Variants in NPAS3 observed in about 807,000 individuals in gnomAD.
NPAS3 encodes the protein neuronal PAS domain protein 3.
Under a neutral mutation model 73.1 loss-of-function variants are expected in NPAS3, and 14 were observed. The ratio of observed to expected loss-of-function variants is 0.19; its 90% CI spans 0.13 to 0.30. The LOEUF (loss-of-function observed/expected upper bound fraction) is 0.30. Ranked by LOEUF, NPAS3 falls within the 10% of genes least tolerant of loss-of-function variation. The probability of loss-of-function intolerance (pLI) is 1.00; values close to 1 mark genes in which losing one functional copy is unlikely to be tolerated. For missense variants in NPAS3, 1,096 were observed against 1,250.0 expected (o/e 0.88, Z 1.86); for synonymous variants, 620 against 541.5 (o/e 1.14, Z -2.01).
At chr14:33,379,632 A>G (rs1052875226) in intron 4 of NPAS3, among the ~76,000 whole-genome samples, 4 of 152,122 alleles carry the variant, frequency 2.6e-5, no homozygotes, top group Admixed American at 6.6e-5. Flanking sequence ...TTCCTCTCCC[A>G]TCTCAGTCTC....
At chr14:33,206,492 A>G (rs1165390212) in intron 2 of NPAS3, among the ~76,000 whole-genome samples, 1 of 152,112 alleles carries the variant, frequency 6.6e-6, no homozygotes, top group African/African-American at 2.4e-5. Flanking sequence ...AAAAACTCAT[A>G]CAGTGCTCCC....
At chr14:33,129,678 G>C (rs2043562564) in intron 2 of NPAS3, among the ~76,000 whole-genome samples, 1 of 152,236 alleles carries the variant, frequency 6.6e-6, no homozygotes, top group African/African-American at 2.4e-5. Flanking sequence ...TGAATAACTA[G>C]TACATTTTGG....
At chr14:33,298,890 G>A (rs1490482651) in intron 3 of NPAS3, among the ~76,000 whole-genome samples, 1 of 152,094 alleles carries the variant, frequency 6.6e-6, no homozygotes. Context: ...TTTCCTATTT[G>A]CCAACCCCAA....
chr14:33,105,240 C>T (rs1219390609), intron 2 of NPAS3, among the ~76,000 whole-genome samples: 1 of 152,120 alleles, frequency 6.6e-6, no homozygotes, highest in Admixed American at 6.6e-5. Flanking sequence ...CCAAGTGACG[C>T]TTTGCTCTGT....
chr14:33,073,224 G>T (rs2041545765), intron 2 of NPAS3, among the ~76,000 whole-genome samples: 1 of 152,206 alleles, frequency 6.6e-6, no homozygotes, highest in Admixed American at 6.5e-5. Flanking sequence ...TTTTGGGAAA[G>T]TGTAGGCATC....
chr14:33,138,348 G>A (rs1038178481), intron 2 of NPAS3, among the ~76,000 whole-genome samples: 1 of 151,952 alleles, frequency 6.6e-6, no homozygotes, highest in African/African-American at 2.4e-5. Context: ...TACTATAAGT[G>A]CCTATCACAG....
intron 2 of NPAS3, among the ~76,000 whole-genome samples, chr14:33,085,747 C>T (rs1481551526): frequency 6.6e-6 from 1 of 152,056 alleles, no homozygotes; most frequent in Non-Finnish European, 1.5e-5. Flanking sequence ...TAAGATACAA[C>T]CAACACTAAT....
intron 4 of NPAS3, among the ~76,000 whole-genome samples, chr14:33,532,331 C>T (rs955333468): frequency 6.6e-6 from 1 of 152,082 alleles, no homozygotes. Context: ...GCTTTTGCCC[C>T]AGCTGTAGCC....
At chr14:33,511,623 G>T (rs1000723271) in intron 4 of NPAS3, among the ~76,000 whole-genome samples, 1 of 152,040 alleles carries the variant, frequency 6.6e-6, no homozygotes, top group African/African-American at 2.4e-5. Context: ...GAATGTGATA[G>T]ATAAAGACTT....
intron 1 of NPAS3, among the ~76,000 whole-genome samples, chr14:32,968,480 G>T (rs1330616929): frequency 1.3e-5 from 2 of 152,032 alleles, no homozygotes; most frequent in Admixed American, 6.6e-5. Flanking sequence ...GATATAGGTT[G>T]GTGTCTTATG....
intron 4 of NPAS3, among the ~76,000 whole-genome samples, chr14:33,523,878 T>G (rs1183165034): frequency 6.6e-6 from 1 of 152,090 alleles, no homozygotes; most frequent in African/African-American, 2.4e-5. Flanking sequence ...TGGACCTCCC[T>G]TATATGTGTG....
At chr14:33,430,315 A>G (rs1357602358) in intron 4 of NPAS3, among the ~76,000 whole-genome samples, 1 of 152,050 alleles carries the variant, frequency 6.6e-6, no homozygotes, top group Non-Finnish European at 1.5e-5. Context: ...TAGGAAAGCA[A>G]AGAGTAAAAT....
chr14:33,151,365 T>C (rs117340976), intron 2 of NPAS3, among the ~76,000 whole-genome samples: 441 of 152,334 alleles, frequency 2.9e-3, no homozygotes, highest in Middle Eastern at 6.8e-3. Context: ...TTCATGTGGT[T>C]AAATGTCAAC....
At chr14:33,578,257 G>A (rs1042151917) in intron 5 of NPAS3, 5 of 455,140 alleles carry the variant, frequency 1.1e-5, no homozygotes, top group Admixed American at 2.4e-5. Context: ...GCAATGACGC[G>A]ATCTCAGCTC....
chr14:32,987,226 A>ATTTTT (rs201588607), intron 1 of NPAS3, among the ~76,000 whole-genome samples: 1 of 141,894 alleles, frequency 7.0e-6, no homozygotes, highest in Non-Finnish European at 1.5e-5. Flanking sequence ...TTGTGTCAGA[A>ATTTTT]TTTTTTTTTT....
chr14:33,549,357 G>A (rs1287169137), intron 4 of NPAS3, among the ~76,000 whole-genome samples: 1 of 152,094 alleles, frequency 6.6e-6, no homozygotes, highest in Non-Finnish European at 1.5e-5. Context: ...CGAGTCTCCT[G>A]AGTAGCTGGG....
chr14:33,103,135 G>T (rs978122997), intron 2 of NPAS3, among the ~76,000 whole-genome samples: 4 of 152,188 alleles, frequency 2.6e-5, no homozygotes, highest in African/African-American at 9.7e-5. Flanking sequence ...TTCAGGTAAA[G>T]TATTGGGAAT....
chr14:33,427,787 T>C (rs2048617286), intron 4 of NPAS3, among the ~76,000 whole-genome samples: 1 of 152,086 alleles, frequency 6.6e-6, no homozygotes. Context: ...CCAATAATAT[T>C]TGTTGACTGA....
intron 4 of NPAS3, among the ~76,000 whole-genome samples, chr14:33,540,251 C>T (rs1406426133): frequency 6.6e-6 from 1 of 152,206 alleles, no homozygotes; most frequent in Non-Finnish European, 1.5e-5. Flanking sequence ...TACCAAATCT[C>T]TGTGCTTTTT....
Sources: gnomAD v4.1 joint callset for allele counts (sites outside exome capture counted in the v4.1 genomes callset) on GRCh38, gnomAD v4.1.1 for gene constraint, MANE v1.5 for transcripts, NCBI Gene and HGNC (gene_info 2026-07-23, HGNC 2026-07-21) for gene names.